Variants in NIBAN1 observed in about 807,000 individuals in gnomAD.
NIBAN1 encodes the protein protein Niban 1.
NIBAN1 carries 81 observed loss-of-function variants against 75.1 expected under a neutral mutation model. The observed-to-expected ratio is 1.08, with a 90% CI of 0.90 to 1.30. The LOEUF is 1.30. NIBAN1 is among the 50% of genes most tolerant of loss of function. The probability of loss-of-function intolerance (pLI) is 0.00; values close to 1 mark genes in which losing one functional copy is unlikely to be tolerated. For missense variants in NIBAN1, 1,133 were observed against 1,128.1 expected (o/e 1.00, Z -0.06); for synonymous variants, 436 against 424.8 (o/e 1.03, Z -0.32).
chr1:184,817,644 T>C (rs1412623444), intron 9 of NIBAN1, among the ~76,000 whole-genome samples: 3 of 152,244 alleles, frequency 2.0e-5, no homozygotes, highest in Admixed American at 2.0e-4. Flanking sequence ...CATTATTTCA[T>C]GTGTCTGTTG....
chr1:184,954,315 A>G (rs1658430659), intron 1 of NIBAN1, among the ~76,000 whole-genome samples: 1 of 152,216 alleles, frequency 6.6e-6, no homozygotes, highest in Non-Finnish European at 1.5e-5. Context: ...CTTAACTGCT[A>G]TCCACGGTGC....
chr1:184,949,420 T>C (rs751869018), intron 1 of NIBAN1, among the ~76,000 whole-genome samples: 1 of 152,178 alleles, frequency 6.6e-6, no homozygotes, highest in Non-Finnish European at 1.5e-5. Flanking sequence ...CTTATAGTAA[T>C]AAGAATAACC....
rs1292958493 is a variant in NIBAN1, at chr1:184,795,581, G to A, written c.2183C>T (p.Pro728Leu). The part of the protein sequence containing the change: ...ASVEVPVDSA[P>L]VMEEDTNGES... ...CCCATTCGTATCTTCTTCCATCACT[G>A]GAGCAGAGTCCACTGGTACTTCCAC... The change falls in exon 14 of 14, where the codon CCA becomes CTA. Residue 728 changes from proline (P) to leucine (L), a missense_variant. By Grantham distance (98) the Pro-to-Leu change is moderately conservative (BLOSUM62 -3). Coordinates refer to ENST00000367511, the MANE Select transcript of NIBAN1 (RefSeq NM_052966.4). 4 of 1,613,992 alleles carry A rather than the reference G, an allele frequency of 2.5e-6. No individual in the cohort carries two copies. The highest frequency in any genetic ancestry group is 3.3e-4 in the Middle Eastern group (2 of 6,084).
intron 6 of NIBAN1, among the ~76,000 whole-genome samples, chr1:184,827,825 T>C (rs549310388): frequency 1.3e-5 from 2 of 152,126 alleles, no homozygotes; most frequent in Admixed American, 6.5e-5. Context: ...AGGCTGCTGG[T>C]CCAGGCCCCT....
intron 5 of NIBAN1, among the ~76,000 whole-genome samples, chr1:184,833,125 G>C (rs992547837): frequency 2.0e-5 from 3 of 151,638 alleles, no homozygotes; most frequent in Non-Finnish European, 4.4e-5. Context: ...GCTGATTTGG[G>C]GGGTGAGGAG....
chr1:184,964,994 T>C (rs1400582750), intron 1 of NIBAN1, among the ~76,000 whole-genome samples: 4 of 152,322 alleles, frequency 2.6e-5, no homozygotes, highest in Admixed American at 1.3e-4. Context: ...CCAGCTGTTA[T>C]GTGCCTCCAG....
At position 184,974,456 on chromosome 1, in the gene NIBAN1, G is replaced by A. The variant is rs1473209441; in HGVS notation, c.-100C>T. On this transcript the variant is annotated 5_prime_UTR_variant, in exon 1 of 14. Transcript: ENST00000367511. ...ACGGCGAACCCGGCTCTGAAATTAA[G>A]AGCAAACTTCCTTCGAGAGGCGAGA... 1.4e-6 allele frequency: 2 copies of A among 1,442,968 alleles called. No individual in the cohort carries two copies. Among genetic ancestry groups the A allele is most frequent in the Non-Finnish European group, 1.9e-6 (2 of 1,078,674 alleles). The allele number at this position is 1,442,968 out of a possible 1,614,324, so 89.4% of individuals were successfully genotyped here. A position where few individuals can be genotyped will look rare whatever the true frequency, so the allele number is the denominator to read the frequency against.
At chr1:184,961,114 G>T (rs1350397125) in intron 1 of NIBAN1, among the ~76,000 whole-genome samples, 4 of 127,228 alleles carry the variant, frequency 3.1e-5, no homozygotes, top group Non-Finnish European at 6.3e-5. Flanking sequence ...TGTCGCCCAG[G>T]CTGGAGTGCA....
chr1:184,821,880 C>T (rs1033082013), intron 8 of NIBAN1, among the ~76,000 whole-genome samples: 4 of 152,142 alleles, frequency 2.6e-5, no homozygotes, highest in African/African-American at 9.7e-5. Context: ...TACACAGACA[C>T]ACACACCAGT....
intron 1 of NIBAN1, among the ~76,000 whole-genome samples, chr1:184,912,600 A>G (rs1571568315): frequency 2.6e-5 from 4 of 152,186 alleles, no homozygotes; most frequent in African/African-American, 9.6e-5. Flanking sequence ...AACCTTTCAT[A>G]TATTTACTGG....
chr1:184,892,997 C>G (rs578020883), intron 3 of NIBAN1, among the ~76,000 whole-genome samples: 42 of 152,272 alleles, frequency 2.8e-4, no homozygotes, highest in Non-Finnish European at 5.9e-4. Context: ...GTCTCTAACT[C>G]CTGACCTCGG....
intron 1 of NIBAN1, among the ~76,000 whole-genome samples, chr1:184,950,043 A>G (rs971093494): frequency 3.3e-5 from 5 of 152,194 alleles, no homozygotes; most frequent in Admixed American, 2.6e-4. Flanking sequence ...AAACTACTCT[A>G]TCAAGATAAT....
chr1:184,857,319 C>CTAA, intron 5 of NIBAN1, among the ~76,000 whole-genome samples: 1 of 152,302 alleles, frequency 6.6e-6, no homozygotes, highest in South Asian at 2.1e-4. Flanking sequence ...TTCTCCTTTG[C>CTAA]TGTGTCCTAA....
intron 1 of NIBAN1, among the ~76,000 whole-genome samples, chr1:184,941,074 A>G (rs1296920699): frequency 6.6e-6 from 1 of 152,234 alleles, no homozygotes; most frequent in Non-Finnish European, 1.5e-5. Flanking sequence ...AACATCACTT[A>G]GGACAGTACC....
chr1:184,900,123 C>T (rs1656912040), intron 1 of NIBAN1, among the ~76,000 whole-genome samples: 1 of 152,050 alleles, frequency 6.6e-6, no homozygotes, highest in Admixed American at 6.6e-5. Flanking sequence ...GCCATCACTC[C>T]CTTTTTCTTC....
intron 1 of NIBAN1, among the ~76,000 whole-genome samples, chr1:184,955,049 A>G (rs903207977): frequency 6.6e-6 from 1 of 152,176 alleles, no homozygotes; most frequent in Non-Finnish European, 1.5e-5. Flanking sequence ...GTTTTAATAT[A>G]TGTTATTTAG....
chr1:184,857,081 C>T (rs1020904133), intron 5 of NIBAN1, among the ~76,000 whole-genome samples: 1 of 152,158 alleles, frequency 6.6e-6, no homozygotes, highest in Non-Finnish European at 1.5e-5. Flanking sequence ...ATCTTCAAGC[C>T]TATCCTAGAA....
At chr1:184,893,566 AG>A (rs1656726006) in intron 3 of NIBAN1, among the ~76,000 whole-genome samples, 1 of 152,234 alleles carries the variant, frequency 6.6e-6, no homozygotes, top group Admixed American at 6.5e-5. Flanking sequence ...CTGAATTCCT[AG>A]GAACCCAGGA....
chr1:184,935,554 C>T (rs189717186), intron 1 of NIBAN1, among the ~76,000 whole-genome samples: 13 of 152,084 alleles, frequency 8.5e-5, no homozygotes, highest in South Asian at 2.1e-4. Context: ...AATAATCTAA[C>T]GTTGATCTGA....
Sources: gnomAD v4.1 joint callset for allele counts (sites outside exome capture counted in the v4.1 genomes callset) on GRCh38, gnomAD v4.1.1 for gene constraint, MANE v1.5 for transcripts, NCBI Gene and HGNC (gene_info 2026-07-23, HGNC 2026-07-21) for gene names.